The following ETFDH variants were observed in gnomAD, a reference collection of about 807,000 sequenced individuals.
ETFDH encodes the protein electron transfer flavoprotein-ubiquinone oxidoreductase, mitochondrial.
In ETFDH, 61 loss-of-function variants were observed where a neutral mutation model predicts 73.2. The observed-to-expected ratio is 0.83, with a 90% CI of 0.68 to 1.03. The LOEUF (loss-of-function observed/expected upper bound fraction) is 1.03. ETFDH is among the 50% of genes least tolerant of loss of function. The probability of loss-of-function intolerance (pLI) is 0.00; values close to 1 mark genes in which losing one functional copy is unlikely to be tolerated. For missense variants in ETFDH, 685 were observed against 745.0 expected, an observed-to-expected ratio of 0.92 and a Z score of 0.94; for synonymous variants, 243 against 253.3, an observed-to-expected ratio of 0.96 and a Z score of 0.39.
chr4:158,705,599 A>G (rs1020653146), intron 10 of ETFDH, among the ~76,000 whole-genome samples: 2 of 152,216 alleles, frequency 1.3e-5, no homozygotes, highest in African/African-American at 4.8e-5. Flanking sequence ...TGAACTTTTT[A>G]TCTTAAAGCT....
chr4:158,703,316 T>A, intron 9 of ETFDH, 107 bp from the exon 10 acceptor site: 1 of 806,984 alleles, frequency 1.2e-6, no homozygotes, highest in South Asian at 1.5e-5. Context: ...TATTTATTTT[T>A]CAGCCTTTCC....
At chr4:158,699,506 G>T (rs966258644) in intron 9 of ETFDH, among the ~76,000 whole-genome samples, 1 of 152,168 alleles carries the variant, frequency 6.6e-6, no homozygotes, top group Non-Finnish European at 1.5e-5. Flanking sequence ...GGAGGTGGAG[G>T]TTGCAGTGAG....
intron 3 of ETFDH, among the ~76,000 whole-genome samples, chr4:158,683,678 C>T (rs1773923865): frequency 6.6e-6 from 1 of 152,064 alleles, no homozygotes; most frequent in Non-Finnish European, 1.5e-5. Context: ...CTCCGGGGCT[C>T]AAGTAATCCT....
intron 6 of ETFDH, among the ~76,000 whole-genome samples, chr4:158,692,817 A>G (rs1411022755): frequency 2.0e-5 from 3 of 146,828 alleles, no homozygotes; most frequent in Admixed American, 6.8e-5. Flanking sequence ...CCACGATCGC[A>G]CCACTGCACT....
chr4:158,699,627 G>T (rs1774406181), intron 9 of ETFDH, among the ~76,000 whole-genome samples: 1 of 152,140 alleles, frequency 6.6e-6, no homozygotes, highest in Non-Finnish European at 1.5e-5. Flanking sequence ...TGGACATTTT[G>T]TTTGTTAGTT....
chr4:158,672,514 A>G (rs550595120), intron 1 of ETFDH, 24 bp downstream of exon 1: 5 of 1,613,620 alleles, frequency 3.1e-6, no homozygotes, highest in East Asian at 4.5e-5. Context: ...GGCGGTGGGG[A>G]TAAGTGGAGG....
At chr4:158,683,867 T>C (rs1773929823) in intron 3 of ETFDH, among the ~76,000 whole-genome samples, 1 of 152,170 alleles carries the variant, frequency 6.6e-6, no homozygotes, top group African/African-American at 2.4e-5. Flanking sequence ...TTGGTGCCTT[T>C]TAATATGTAT....
chr4:158,707,455 G>T (rs1480334677), intron 12 of ETFDH, among the ~76,000 whole-genome samples: 1 of 152,170 alleles, frequency 6.6e-6, no homozygotes, highest in Non-Finnish European at 1.5e-5. Context: ...TGTACCGTTA[G>T]GCTCCTCTTA....
At position 158,680,610 on chromosome 4, in the gene ETFDH, A is replaced by G. The variant is rs781151266; in HGVS notation, c.175+3A>G. On this transcript the variant is annotated splice_donor_region_variant and intron_variant, in intron 2 of 12. Coordinates refer to ENST00000511912, the MANE Select transcript of ETFDH (RefSeq NM_004453.4). ...GGATAAGGACAAGAGATGGGAAGGT[A>G]AGTAATAATTTGTGTACAATTCCTG... The G allele has an allele frequency of 2.0e-4, 328 of 1,608,088 alleles. 4 individuals carry two copies. The South Asian group carries it at 3.5e-3, about 17-fold the overall frequency.
chr4:158,692,624 C>T, intron 6 of ETFDH, among the ~76,000 whole-genome samples: 1 of 151,508 alleles, frequency 6.6e-6, no homozygotes, highest in Admixed American at 6.6e-5. Context: ...TATGGTTTTT[C>T]ATATATTACG....
intron 5 of ETFDH, among the ~76,000 whole-genome samples, chr4:158,688,681 A>G (rs1297366806): frequency 6.6e-6 from 1 of 151,346 alleles, no homozygotes; most frequent in Non-Finnish European, 1.5e-5. Context: ...TCAAAAAAAC[A>G]AAAAAAAAGA....
chr4:158,700,772 G>T (rs1337621021), intron 9 of ETFDH: 1 of 152,104 alleles, frequency 6.6e-6, no homozygotes, highest in African/African-American at 2.4e-5. Flanking sequence ...CAGAAACCAC[G>T]AGGAAAGTGC....
At chr4:158,683,608 C>A (rs972700808) in intron 3 of ETFDH, among the ~76,000 whole-genome samples, 1 of 151,996 alleles carries the variant, frequency 6.6e-6, no homozygotes, top group African/African-American at 2.4e-5. Flanking sequence ...GAGACAGGGT[C>A]TCACTCTGTC....
Position 158,708,579 on chromosome 4 carries a change from T to C in ETFDH, c.*52T>C, listed in dbSNP as rs1774708123. ...TATGGCAAGCTAACGTTAAAATGTT[T>C]AGAGATTAACAGATTTCAGAATGTC... On this transcript the variant is annotated 3_prime_UTR_variant, in exon 13 of 13. Transcript: ENST00000511912. 4 of 1,429,064 alleles carry C rather than the reference T, an allele frequency of 2.8e-6. No homozygotes were observed. Among genetic ancestry groups the C allele is most frequent in the Non-Finnish European group, 4.0e-6 (4 of 1,011,684 alleles). The allele number at this position is 1,429,064 out of a possible 1,614,324, so 88.5% of individuals were successfully genotyped here.
At chr4:158,674,693 A>G (rs1467445888) in intron 1 of ETFDH, among the ~76,000 whole-genome samples, 1 of 152,224 alleles carries the variant, frequency 6.6e-6, no homozygotes, top group African/African-American at 2.4e-5. Context: ...GCCTTTTCAC[A>G]GAAAATTACT....
intron 9 of ETFDH, among the ~76,000 whole-genome samples, chr4:158,701,931 C>G (rs1000917605): frequency 4.8e-4 from 73 of 151,890 alleles, no homozygotes; most frequent in Non-Finnish European, 8.5e-4. Context: ...TTTTTTTAAT[C>G]AGAAATGTAT....
intron 6 of ETFDH, among the ~76,000 whole-genome samples, chr4:158,694,947 C>T (rs938038625): frequency 5.9e-5 from 9 of 152,220 alleles, no homozygotes; most frequent in African/African-American, 2.2e-4. Context: ...TACTCAAGTC[C>T]CAAAGTTAGC....
intron 1 of ETFDH, among the ~76,000 whole-genome samples, chr4:158,674,148 T>C (rs915528663): frequency 1.3e-5 from 2 of 152,222 alleles, no homozygotes; most frequent in African/African-American, 4.8e-5. Flanking sequence ...CTACAATGCA[T>C]TGAAAACTAA....
rs959581852 is a variant in ETFDH at position 158,709,146 on chromosome 4, C to T, written c.*619C>T. On this transcript the variant is annotated 3_prime_UTR_variant, in exon 13 of 13. Transcript: ENST00000511912. ...ACAATATACAAACTTAAGCTCTCAT[C>T]TCTTTATTCAATAAGATGTGTCTTT... 1 of 153,076 alleles carries T rather than the reference C, an allele frequency of 6.5e-6. No individual in the cohort carries two copies. Among genetic ancestry groups the T allele is most frequent in the Non-Finnish European group, 1.5e-5 (1 of 68,798 alleles). The allele number at this position is 153,076 out of a possible 1,614,324, so 9.5% of individuals were successfully genotyped here. A position where few individuals can be genotyped will look rare whatever the true frequency, so the allele number is the denominator to read the frequency against.
Sources: gnomAD v4.1 joint callset for allele counts (sites outside exome capture counted in the v4.1 genomes callset) on GRCh38, gnomAD v4.1.1 for gene constraint, MANE v1.5 for transcripts, NCBI Gene and HGNC (gene_info 2026-07-23, HGNC 2026-07-21) for gene names.